SATB2: variants seen among roughly 807,000 people sequenced by gnomAD.
SATB2 encodes SATB homeobox 2.
Under a neutral mutation model 73.4 loss-of-function variants are expected in SATB2, and 1 was observed. That is an observed-to-expected ratio of 0.01 (90% CI 0.00 to 0.06). The LOEUF is 0.06. SATB2 is among the 10% of genes least tolerant of loss of function. The pLI is 1.00. For synonymous variants in SATB2, 397 were observed against 367.0 expected, an observed-to-expected ratio of 1.08 and a Z score of -0.93; for missense variants, 459 against 945.8, an observed-to-expected ratio of 0.49 and a Z score of 6.75.
At chr2:199,462,175 T>C (rs1057501491), upstream of SATB2, among the ~76,000 whole-genome samples, 1 of 152,216 alleles carries the variant, frequency 6.6e-6, no homozygotes, top group African/African-American at 2.4e-5. This position sits in a 1 kb window ranked among gnomAD's most constrained non-coding sequence, Gnocchi z 5.9. Flanking sequence ...GGGAAAACTA[T>C]GGGAATCGCC....
At chr2:199,285,922 A>G (rs914775204) in intron 10 of SATB2, among the ~76,000 whole-genome samples, 1 of 147,516 alleles carries the variant, frequency 6.8e-6, no homozygotes, top group Non-Finnish European at 1.5e-5. Flanking sequence ...ATACTACTGG[A>G]ACACTGTGTA....
intron 3 of SATB2, among the ~76,000 whole-genome samples, chr2:199,428,523 C>T (rs1421971698): frequency 6.6e-6 from 1 of 152,148 alleles, no homozygotes; most frequent in Non-Finnish European, 1.5e-5. Context: ...GATCAATGGA[C>T]TTCAGATTTC....
Position 199,308,639 on chromosome 2 carries a change from G to A in SATB2, c.1740+121C>T. ...GACGACAGCGTCTTCTGTACTTGGG[G>A]ACCTGGCATGAGACACCCTCTGACA... On this transcript the variant is annotated intron_variant, in intron 10 of 10. Coordinates refer to ENST00000417098, the MANE Select transcript of SATB2 (RefSeq NM_001172509.2). This position sits in a 1 kb window ranked among gnomAD's most constrained non-coding sequence, Gnocchi z 4.6. 11 of 791,270 alleles carry A rather than the reference G, an allele frequency of 1.4e-5. No homozygotes were observed. The highest frequency in any genetic ancestry group is 2.4e-5 in the Non-Finnish European group (11 of 464,066). The allele number at this position is 791,270 out of a possible 1,614,324, so 49.0% of individuals were successfully genotyped here.
At chr2:199,406,546 C>T (rs1178143196) in intron 3 of SATB2, among the ~76,000 whole-genome samples, 1 of 152,092 alleles carries the variant, frequency 6.6e-6, no homozygotes, top group Non-Finnish European at 1.5e-5. Flanking sequence ...CTGCAGGCTG[C>T]CCCCATAGTC....
intron 7 of SATB2, among the ~76,000 whole-genome samples, chr2:199,330,313 C>A (rs2105797441): frequency 6.6e-6 from 1 of 152,216 alleles, no homozygotes; most frequent in East Asian, 1.9e-4. Flanking sequence ...GCAATCACCA[C>A]TCAGAACATC....
At chr2:199,400,788 C>T (rs1271907018) in intron 3 of SATB2, among the ~76,000 whole-genome samples, 1 of 152,152 alleles carries the variant, frequency 6.6e-6, no homozygotes, top group Non-Finnish European at 1.5e-5. Flanking sequence ...TATTTAAATT[C>T]ATATTTTTGA....
chr2:199,296,045 C>T (rs1218196209), intron 10 of SATB2, among the ~76,000 whole-genome samples: 2 of 152,146 alleles, frequency 1.3e-5, no homozygotes, highest in Non-Finnish European at 2.9e-5. Flanking sequence ...TAAACAGAAA[C>T]AGCTGAGAAG....
chr2:199,373,451 G>T (rs1487702920), intron 5 of SATB2, among the ~76,000 whole-genome samples: 1 of 152,080 alleles, frequency 6.6e-6, no homozygotes, highest in South Asian at 2.1e-4. Context: ...TATAACATCA[G>T]AATTGAAAAC....
At chr2:199,285,092 G>A (rs1478297364) in intron 10 of SATB2, among the ~76,000 whole-genome samples, 3 of 152,040 alleles carry the variant, frequency 2.0e-5, no homozygotes, top group Non-Finnish European at 2.9e-5. Flanking sequence ...AAATTAGTAA[G>A]CATTTAAAAA....
At chr2:199,354,094 ATGCCTGCAATCCCAGCACTTT>A (rs1475225412) in intron 6 of SATB2, among the ~76,000 whole-genome samples, 1 of 152,226 alleles carries the variant, frequency 6.6e-6, no homozygotes, top group African/African-American at 2.4e-5. Flanking sequence ...ATGTTGGCTC[ATGCCTGCAATCCCAGCACTTT>A]GGAAGGCCAA....
chr2:199,430,645 T>C (rs1201404014), intron 3 of SATB2, among the ~76,000 whole-genome samples: 1 of 152,216 alleles, frequency 6.6e-6, no homozygotes, highest in Non-Finnish European at 1.5e-5. Flanking sequence ...AACTCCATTT[T>C]AGTAGAATTT....
At chr2:199,317,537 ATAAGT>A (rs1289334275) in intron 9 of SATB2, among the ~76,000 whole-genome samples, 1 of 152,130 alleles carries the variant, frequency 6.6e-6, no homozygotes, top group East Asian at 1.9e-4. Flanking sequence ...AAAACTAGTG[ATAAGT>A]TAAAAGTATT....
chr2:199,434,069 T>C (rs1462908853), intron 2 of SATB2, among the ~76,000 whole-genome samples: 1 of 152,132 alleles, frequency 6.6e-6, no homozygotes, highest in African/African-American at 2.4e-5. Flanking sequence ...GTTATGTGAA[T>C]ATAATAAAGT....
chr2:199,446,468 A>C (rs1171954101), intron 2 of SATB2, among the ~76,000 whole-genome samples: 3 of 152,188 alleles, frequency 2.0e-5, no homozygotes, highest in Non-Finnish European at 4.4e-5. Context: ...AGGGACATGG[A>C]GAAGGTGATC....
intron 10 of SATB2, among the ~76,000 whole-genome samples, chr2:199,276,139 C>G (rs974800301): frequency 3.3e-5 from 5 of 152,152 alleles, no homozygotes; most frequent in African/African-American, 1.2e-4. Flanking sequence ...TATACGTACT[C>G]TGAGTGAAAG....
At chr2:199,353,148 C>CT (rs11369554) in intron 6 of SATB2, among the ~76,000 whole-genome samples, 60,881 of 87,096 alleles carry the variant, frequency 0.7, 23,120 homozygotes, top group East Asian at 0.8. Context: ...ACGTTTTTGT[C>CT]TTTTTTTTTT....
chr2:199,399,626 G>A (rs193216287), intron 3 of SATB2, among the ~76,000 whole-genome samples: 1 of 152,298 alleles, frequency 6.6e-6, no homozygotes, highest in Non-Finnish European at 1.5e-5. Context: ...CATGTTGCTG[G>A]CATCTGCTCA....
At chr2:199,448,513 A>G (rs1692028992) in intron 2 of SATB2, among the ~76,000 whole-genome samples, 1 of 152,226 alleles carries the variant, frequency 6.6e-6, no homozygotes, top group African/African-American at 2.4e-5. Flanking sequence ...AAAAAGATAT[A>G]TGTGGTTAAC....
chr2:199,282,130 C>A (rs6735464), intron 10 of SATB2, among the ~76,000 whole-genome samples: 10 of 151,626 alleles, frequency 6.6e-5, no homozygotes, highest in South Asian at 2.1e-4. Context: ...ATCCGCCCAC[C>A]TTGGCCTCCC....
Sources: gnomAD v4.1 joint callset for allele counts (sites outside exome capture counted in the v4.1 genomes callset) on GRCh38, gnomAD v4.1.1 for gene constraint, Gnocchi (gnomAD v3.1) non-coding constraint, MANE v1.5 for transcripts, NCBI Gene and HGNC (gene_info 2026-07-23, HGNC 2026-07-21) for gene names.